The following FYB2 variants were observed in gnomAD, a reference collection of about 807,000 sequenced individuals.
FYB2 encodes the protein FYN-binding protein 2.
FYB2 carries 103 observed loss-of-function variants against 94.1 expected under a neutral mutation model. That is an observed-to-expected ratio of 1.09 (90% confidence interval 0.93 to 1.29). The LOEUF is 1.29. Among genes scored for constraint, FYB2 ranks in the 50% most tolerant of loss-of-function variants. FYB2 has a pLI of 0.00. For synonymous variants in FYB2, 293 were observed against 287.9 expected (o/e 1.02, Z -0.18); for missense variants, 896 against 841.5 (o/e 1.06, Z -0.80).
chr1:56,760,941 G>C (rs1459196968), intron 5 of FYB2, among the ~76,000 whole-genome samples: 1 of 152,144 alleles, frequency 6.6e-6, no homozygotes, highest in Non-Finnish European at 1.5e-5. Context: ...AAATGGACTA[G>C]GAATTATGAC....
chr1:56,758,938 G>A (rs1208939725), intron 5 of FYB2, among the ~76,000 whole-genome samples, 188 bp from the exon 6 acceptor site: 1 of 152,144 alleles, frequency 6.6e-6, no homozygotes, highest in Non-Finnish European at 1.5e-5. Flanking sequence ...TTTAATTTCT[G>A]TGGGGATTTC....
At chr1:56,731,406 T>C (rs950144134) in intron 15 of FYB2, among the ~76,000 whole-genome samples, 15 of 152,190 alleles carry the variant, frequency 9.9e-5, no homozygotes, top group Admixed American at 5.9e-4. Context: ...TCTCAAACTC[T>C]TGAGCTCAAG....
At chr1:56,722,128 C>T (rs1644498295) in intron 17 of FYB2, among the ~76,000 whole-genome samples, 1 of 152,088 alleles carries the variant, frequency 6.6e-6, no homozygotes, top group South Asian at 2.1e-4. Context: ...GTAATTGCCT[C>T]ACTGTTGTTT....
intron 14 of FYB2, chr1:56,737,703 A>G (rs1293476485): frequency 6.6e-6 from 1 of 152,122 alleles, no homozygotes; most frequent in Non-Finnish European, 1.5e-5. Flanking sequence ...ATTCCTTGGC[A>G]CTCTACATAG....
intron 1 of FYB2, among the ~76,000 whole-genome samples, chr1:56,802,776 A>G (rs949304762): frequency 6.6e-6 from 1 of 152,156 alleles, no homozygotes; most frequent in Non-Finnish European, 1.5e-5. Context: ...ATTTCAGATC[A>G]TATCACCTTG....
At chr1:56,730,397 A>G (rs1234403678) in intron 15 of FYB2, among the ~76,000 whole-genome samples, 1 of 48,456 alleles carries the variant, frequency 2.1e-5, no homozygotes, top group Non-Finnish European at 3.6e-5. Flanking sequence ...AGGGAAGTGG[A>G]GGGGAGGGGA....
At chr1:56,735,584 G>A (rs1238816832) in intron 15 of FYB2, among the ~76,000 whole-genome samples, 2 of 152,090 alleles carry the variant, frequency 1.3e-5, no homozygotes, top group Non-Finnish European at 2.9e-5. Context: ...ACCTTGAATT[G>A]TAATCCCCAT....
chr1:56,751,546 G>C (rs1231959476), intron 8 of FYB2, among the ~76,000 whole-genome samples: 1 of 152,010 alleles, frequency 6.6e-6, no homozygotes, highest in Non-Finnish European at 1.5e-5. Flanking sequence ...AAAGAGTTTA[G>C]AGAGGTTGAG....
intron 4 of FYB2, among the ~76,000 whole-genome samples, chr1:56,770,218 C>T (rs1271452008): frequency 6.6e-6 from 1 of 151,976 alleles, no homozygotes. Flanking sequence ...AATTACCATA[C>T]CGACTGAGAA....
At position 56,720,349 on chromosome 1, in the gene FYB2, A is replaced by G; in HGVS notation, c.1975-20T>C. 1 of 1,582,050 alleles carries G rather than the reference A, an allele frequency of 6.3e-7. No individual in the cohort carries two copies. The highest frequency in any genetic ancestry group is 8.6e-7 in the Non-Finnish European group (1 of 1,166,334). Reference sequence around the variant, plus strand: ...GTCGTACTGAAATGAGAAATTACTAATCAGACCATTCTTGCATAGTTGTTA... The same window carrying G: ...GTCGTACTGAAATGAGAAATTACTAGTCAGACCATTCTTGCATAGTTGTTA... On this transcript the variant is annotated intron_variant, in intron 17 of 19. Transcript: ENST00000343433.
intron 2 of FYB2, among the ~76,000 whole-genome samples, chr1:56,790,851 G>GT (rs1053447837): frequency 2.2e-4 from 33 of 152,166 alleles, no homozygotes; most frequent in South Asian, 2.1e-4. Context: ...ACCTCGGAAA[G>GT]TTTTTTTTGA....
intron 15 of FYB2, among the ~76,000 whole-genome samples, chr1:56,733,111 A>G (rs902996981): frequency 3.9e-5 from 6 of 152,096 alleles, no homozygotes; most frequent in Non-Finnish European, 7.4e-5. Context: ...TCCAGAATAT[A>G]CAAGGAACTC....
At chr1:56,736,702 C>T (rs1274024692) in intron 15 of FYB2, among the ~76,000 whole-genome samples, 1 of 152,126 alleles carries the variant, frequency 6.6e-6, no homozygotes, top group African/African-American at 2.4e-5. Context: ...AGGCATGAGC[C>T]ACTGCATGCA....
In FYB2 at chr1:56,755,904, T is replaced by C. The variant is rs1302382949; in HGVS notation, c.1122A>G (p.Pro374=). 6.2e-7 allele frequency: 1 copy of C among 1,608,766 alleles called. No homozygotes were observed. The highest frequency in any genetic ancestry group is 8.5e-7 in the Non-Finnish European group (1 of 1,175,842). The change falls in exon 7 of 20, where the codon CCA becomes CCG. Residue 374 remains proline (P), a synonymous_variant. Coordinates refer to ENST00000343433, the MANE Select transcript of FYB2 (RefSeq NM_001004303.5). ...TGAAAGATAAAACTCACCTAGGTTC[T>C]GGATAGGGAAAATTCTTCCCAGGCT... ...LQKPGKNFPY[P]EPSAKHEDKK...
At chr1:56,792,998 T>C (rs1283927959) in intron 1 of FYB2, among the ~76,000 whole-genome samples, 195 bp from the exon 2 acceptor site, 1 of 152,144 alleles carries the variant, frequency 6.6e-6, no homozygotes, top group Non-Finnish European at 1.5e-5. Context: ...TGCTATTGTC[T>C]ATATGAGATA....
chr1:56,720,288 AC>A lies in FYB2; in HGVS notation c.2015del (p.Cys672PhefsTer14), dbSNP rs1644461467. 6.2e-7 allele frequency: 1 copy of A among 1,611,868 alleles called. No individual in the cohort carries two copies. Among genetic ancestry groups the A allele is most frequent in the Admixed American group, 1.7e-5 (1 of 59,832 alleles). On this transcript the variant is annotated frameshift_variant, in exon 18 of 20. Transcript: ENST00000343433. LOFTEE classifies it high-confidence loss of function. The part of the protein sequence containing the change: ...EIIVINTAVA[C>X]SNNSRNGIFD... ...ATATTCCATTTCTTGAATTATTGGA[AC>A]AGGCCACTGCTGTATTGATGACAAT...
intron 15 of FYB2, among the ~76,000 whole-genome samples, chr1:56,734,374 A>C (rs1427469096): frequency 6.6e-6 from 1 of 152,106 alleles, no homozygotes; most frequent in Non-Finnish European, 1.5e-5. Context: ...CCAATTTGCC[A>C]GTCTGTGTCT....
intron 15 of FYB2, among the ~76,000 whole-genome samples, chr1:56,730,668 C>T (rs1307265463): frequency 2.6e-5 from 4 of 152,000 alleles, no homozygotes; most frequent in Non-Finnish European, 5.9e-5. Flanking sequence ...AAAGAAAAGT[C>T]TAGGACTAGA....
rs1052596603 is a variant in FYB2 at position 56,817,695 on chromosome 1, A to C, written c.9+1587T>G. ...AAATGAAACCAATCCTTCTTTCAAG[A>C]TGAGAAACCACTCTTATTTCTCTCT... On this transcript the variant is annotated intron_variant, in intron 1 of 19. Coordinates refer to ENST00000343433, the MANE Select transcript of FYB2 (RefSeq NM_001004303.5). Among the ~76,000 whole-genome samples the C allele has an allele frequency of 7.6e-4, 115 of 151,982 alleles. 1 individual carries two copies. Among genetic ancestry groups the C allele is most frequent in the African/African-American group, 2.7e-3 (111 of 41,446 alleles).
Sources: allele counts gnomAD v4.1 joint callset (sites outside exome capture counted in the v4.1 genomes callset), GRCh38; gene constraint gnomAD v4.1.1; transcripts MANE v1.5; gene names NCBI Gene and HGNC (gene_info 2026-07-23, HGNC 2026-07-21).